The following USH2A variants were observed in gnomAD, a reference collection of about 807,000 sequenced individuals.
USH2A encodes the protein usherin.
A neutral mutation model predicts 538.9 loss-of-function variants in USH2A; 443 were observed. The observed-to-expected ratio is 0.82, with a 90% confidence interval of 0.76 to 0.89. The LOEUF (loss-of-function observed/expected upper bound fraction) is 0.89, where lower values mean the gene tolerates loss of function less well. Ranked by LOEUF, USH2A falls within the 40% of genes least tolerant of loss-of-function variation. The pLI is 0.00. For missense variants in USH2A, 6,633 were observed against 6,324.8 expected (o/e 1.05, Z -1.65); for synonymous variants, 2,413 against 2,273.5 (o/e 1.06, Z -1.75).
chr1:215,782,308 A>G, intron 53 of USH2A, 112 bp from the exon 54 acceptor site: 2 of 1,184,252 alleles, frequency 1.7e-6, no homozygotes, highest in Non-Finnish European at 2.4e-6. Flanking sequence ...GCTTTATTTA[A>G]TTTTAATTTC....
At chr1:215,805,047 C>T (rs1239487725) in intron 49 of USH2A, among the ~76,000 whole-genome samples, 1 of 151,952 alleles carries the variant, frequency 6.6e-6, no homozygotes, top group African/African-American at 2.4e-5. Flanking sequence ...AAGAACCAAA[C>T]ACCGTATGTT....
intron 15 of USH2A, among the ~76,000 whole-genome samples, chr1:216,210,867 G>A (rs1331451114): frequency 6.6e-6 from 1 of 152,100 alleles, no homozygotes; most frequent in Non-Finnish European, 1.5e-5. Context: ...TGTAATCCCA[G>A]CTACTCGGCA....
At chr1:215,915,362 C>G (rs1665924529) in intron 38 of USH2A, among the ~76,000 whole-genome samples, 1 of 152,082 alleles carries the variant, frequency 6.6e-6, no homozygotes. Flanking sequence ...AGAGCGGATA[C>G]TGTTGGTAGA....
rs1664835977 is a variant in USH2A, at chr1:215,878,792, G to T, written c.8530C>A (p.Pro2844Thr). ...ESYVVISWQPPSKPNGPNLRY... is the reference protein window; with the variant it reads ...ESYVVISWQPTSKPNGPNLRY... ...AAATTAGGTCCATTTGGCTTGGATG[G>T]TGGTTGCCAAGAAATCACAACATAT... Residue 2844 changes from proline to threonine, a missense_variant, in exon 42 of 72, where the codon CCA (proline) becomes ACA (threonine). Pro to Thr is a conservative substitution (Grantham distance 38). Coordinates refer to ENST00000307340, the MANE Select transcript of USH2A (RefSeq NM_206933.4). The T allele has an allele frequency of 6.2e-7, 1 of 1,613,850 alleles. No individual in the cohort carries two copies. Among genetic ancestry groups the T allele is most frequent in the Non-Finnish European group, 8.5e-7 (1 of 1,179,950 alleles).
intron 49 of USH2A, among the ~76,000 whole-genome samples, chr1:215,809,159 C>T (rs74479226): frequency 1.3e-5 from 2 of 152,160 alleles, no homozygotes; most frequent in East Asian, 3.9e-4. Flanking sequence ...AATTCTATTT[C>T]GTCTGAAATG....
At chr1:216,253,460 C>T (rs1028793674) in intron 11 of USH2A, among the ~76,000 whole-genome samples, 2 of 152,144 alleles carry the variant, frequency 1.3e-5, no homozygotes, top group Non-Finnish European at 2.9e-5. Context: ...GCCACTGCAC[C>T]TGGCCTTGTT....
chr1:216,133,530 C>T (rs9660635), intron 21 of USH2A, among the ~76,000 whole-genome samples: 59,495 of 151,900 alleles, frequency 0.39, 12,309 homozygotes, highest in Non-Finnish European at 0.46. Flanking sequence ...AGGATGTGTG[C>T]GTAGCTCCCT....
chr1:215,989,790 AG>A (rs1667962077), intron 35 of USH2A, among the ~76,000 whole-genome samples: 2 of 151,992 alleles, frequency 1.3e-5, no homozygotes, highest in Non-Finnish European at 2.9e-5. Flanking sequence ...GGAGACCATG[AG>A]GAGAAATCAA....
At chr1:215,812,002 T>TTTGG (rs1662706681) in intron 49 of USH2A, among the ~76,000 whole-genome samples, 1 of 141,884 alleles carries the variant, frequency 7.0e-6, no homozygotes, top group East Asian at 2.1e-4. Context: ...TTTTTTTTTT[T>TTTGG]GAGACAGAGT....
chr1:216,231,992 C>G lies in USH2A; in HGVS notation c.2954G>C (p.Cys985Ser). 1 of 1,614,024 alleles carries G rather than the reference C, an allele frequency of 6.2e-7. No individual in the cohort carries two copies. Among genetic ancestry groups the G allele is most frequent in the South Asian group, 1.1e-5 (1 of 91,082 alleles). The change falls in exon 14 of 72, where the codon TGC becomes TCC. Residue 985 changes from cysteine to serine, a missense_variant. Coordinates refer to ENST00000307340, the MANE Select transcript of USH2A (RefSeq NM_206933.4). The part of the protein sequence containing the change: ...ASIAGQRCDQ[C>S]KDHYFGFDPQ... ...ATCAAATCCAAAGTAATGGTCTTTG[C>G]ATTGGTCACAACGTTGCCCAGCAAT...
intron 32 of USH2A, among the ~76,000 whole-genome samples, chr1:216,015,030 C>G (rs182344731): frequency 2.6e-5 from 4 of 152,168 alleles, no homozygotes. Flanking sequence ...TTGTCTGGGT[C>G]TTCTTCCGAA....
At chr1:215,729,840 C>A (rs1235682199) in intron 60 of USH2A, among the ~76,000 whole-genome samples, 3 of 152,134 alleles carry the variant, frequency 2.0e-5, no homozygotes, top group Non-Finnish European at 2.9e-5. Context: ...GCCATGTTGC[C>A]CAGGCTGGTC....
intron 21 of USH2A, among the ~76,000 whole-genome samples, chr1:216,104,900 G>A (rs1468452503): frequency 6.6e-6 from 1 of 152,134 alleles, no homozygotes; most frequent in Non-Finnish European, 1.5e-5. Context: ...CAGAATGGGA[G>A]AAATTTTTTG....
At chr1:216,370,297 G>A (rs758718385) in intron 3 of USH2A, among the ~76,000 whole-genome samples, 3 of 151,796 alleles carry the variant, frequency 2.0e-5, no homozygotes, top group Non-Finnish European at 2.9e-5. Context: ...GGAGGTGGAG[G>A]TTGCGGTGAG....
In USH2A at chr1:215,650,648, C is replaced by T. The variant is rs397517990; in HGVS notation, c.14287G>A (p.Gly4763Arg). 4.3e-6 allele frequency: 7 copies of T among 1,614,118 alleles called. No homozygotes were observed. The highest frequency in any genetic ancestry group is 2.2e-5 in the East Asian group (1 of 44,864). ...VNISAPGKPNGIVSLYRLFSS... is the reference protein window; with the variant it reads ...VNISAPGKPNRIVSLYRLFSS... The stretch of plus-strand genomic sequence containing the variant: ...AACAGCCTGTAGAGACTGACGATCC[C>T]GTTGGGCTTCCCAGGGGCACTGATG... Residue 4763 changes from glycine (G) to arginine (R), a missense_variant, in exon 65 of 72, where the codon GGG (glycine) becomes AGG (arginine). Coordinates refer to ENST00000307340, the MANE Select transcript of USH2A (RefSeq NM_206933.4).
At chr1:216,041,909 G>A (rs2030294154) in intron 32 of USH2A, among the ~76,000 whole-genome samples, 2 of 151,666 alleles carry the variant, frequency 1.3e-5, no homozygotes, top group Admixed American at 1.3e-4. Context: ...AACTTTCCTG[G>A]AATAATGTGA....
Position 216,370,714 on chromosome 1 carries a change from CT to C in USH2A, c.652-5630del, listed in dbSNP as rs2038697479. On this transcript the variant is annotated intron_variant, in intron 3 of 71. Transcript: ENST00000307340. Reference sequence around the variant, plus strand: ...AAAAAAAAAAAAAATACTCAAGGTGCTATAGAAGCGTGACTGGTGGTTTCAG... The same window carrying C: ...AAAAAAAAAAAAAATACTCAAGGTGCATAGAAGCGTGACTGGTGGTTTCAG... 3.2e-5 allele frequency among the ~76,000 whole-genome samples: 3 copies of C among 92,442 alleles called. No individual in the cohort carries two copies. In the South Asian group the frequency reaches 1.3e-3, roughly 39 times the overall value. 60.6% of individuals were successfully genotyped at this position (92,442 alleles called of 152,430 possible). A position where few individuals can be genotyped will look rare whatever the true frequency, so the allele number is the denominator to read the frequency against.
At chr1:216,370,302 G>A (rs1432910204) in intron 3 of USH2A, among the ~76,000 whole-genome samples, 3 of 151,244 alleles carry the variant, frequency 2.0e-5, no homozygotes, top group East Asian at 4.0e-4. Context: ...TGGAGGTTGC[G>A]GTGAGCCGAC....
At chr1:216,255,822 G>T (rs1008780009) in intron 11 of USH2A, among the ~76,000 whole-genome samples, 1 of 152,040 alleles carries the variant, frequency 6.6e-6, no homozygotes, top group Non-Finnish European at 1.5e-5. Context: ...TGAGAGAAGG[G>T]TATTGAAATT....
Sources: allele counts gnomAD v4.1 joint callset (sites outside exome capture counted in the v4.1 genomes callset), GRCh38; gene constraint gnomAD v4.1.1; transcripts MANE v1.5; gene names NCBI Gene and HGNC (gene_info 2026-07-23, HGNC 2026-07-21).